Variants in PPFIA3 observed in about 807,000 individuals in gnomAD.
PPFIA3 encodes PPFI scaffold protein A3.
In PPFIA3, 26 loss-of-function variants were observed where a neutral mutation model predicts 145.8. The ratio of observed to expected loss-of-function variants is 0.18; its 90% CI spans 0.13 to 0.25. The LOEUF (loss-of-function observed/expected upper bound fraction) is 0.25, where lower values mean the gene tolerates loss of function less well. Ranked by LOEUF, PPFIA3 falls within the 10% of genes least tolerant of loss-of-function variation. The pLI, the probability that PPFIA3 is intolerant of heterozygous loss-of-function variation, is 1.00. For missense variants in PPFIA3, 1,008 were observed against 1,587.8 expected, an observed-to-expected ratio of 0.63 and a Z score of 6.21; for synonymous variants, 645 against 661.4, an observed-to-expected ratio of 0.98 and a Z score of 0.38.
At chr19:49,143,067 C>T in intron 21 of PPFIA3, 63 bp downstream of exon 21, 3 of 1,544,484 alleles carry the variant, frequency 1.9e-6, no homozygotes, top group Non-Finnish European at 2.6e-6. Context: ...TGCCCTCAGT[C>T]TAGCCAATCC....
At chr19:49,136,675 A>G (rs1420010726) in intron 14 of PPFIA3, 49 bp from the exon 15 acceptor site, 34 of 1,331,352 alleles carry the variant, frequency 2.6e-5, no homozygotes, top group Middle Eastern at 5.7e-4. Context: ...CCCAGCGCCA[A>G]CCTCGGCCCC....
chr19:49,139,158 T>G (rs1443551816), intron 16 of PPFIA3, among the ~76,000 whole-genome samples: 1 of 152,066 alleles, frequency 6.6e-6, no homozygotes, highest in African/African-American at 2.4e-5. Flanking sequence ...AAACCCCATC[T>G]CTACTAAAAA....
intron 15 of PPFIA3, among the ~76,000 whole-genome samples, chr19:49,137,826 G>C (rs1329810796): frequency 6.6e-6 from 1 of 151,962 alleles, no homozygotes; most frequent in Non-Finnish European, 1.5e-5. Flanking sequence ...CCAGATCCTA[G>C]ATTGGCCTGA....
Position 49,149,402 on chromosome 19 carries a change from CTA to C in PPFIA3, c.3354+79_3354+80del. 1 of 1,593,834 alleles carries C rather than the reference CTA, an allele frequency of 6.3e-7. No homozygotes were observed. ...GCTGAGCTGAGGGGGCGGGGCCTGA[CTA>C]TTAATGGTCACGGTTGGAGGCGGGG... On this transcript the variant is annotated intron_variant, in intron 27 of 29. Transcript: ENST00000334186. The surrounding 1 kb of genome is among the most constrained non-coding windows in gnomAD (Gnocchi z 5.7).
At chr19:49,144,105 A>T (rs2041255149) in intron 21 of PPFIA3, among the ~76,000 whole-genome samples, 1 of 151,874 alleles carries the variant, frequency 6.6e-6, no homozygotes, top group South Asian at 2.1e-4. Flanking sequence ...TCCTGGGTGC[A>T]AGCAATTCCA....
chr19:49,137,054 T>G, intron 15 of PPFIA3, 143 bp downstream of exon 15: 1 of 742,620 alleles, frequency 1.3e-6, no homozygotes, highest in Non-Finnish European at 2.0e-6. Flanking sequence ...CTCACTCCGC[T>G]GTCCAGGCAT....
At chr19:49,137,627 T>TAA (rs2041154442) in intron 15 of PPFIA3, among the ~76,000 whole-genome samples, 1 of 14,866 alleles carries the variant, frequency 6.7e-5, no homozygotes, top group Non-Finnish European at 1.2e-4. Context: ...AGACTCCGTG[T>TAA]CAAAAAAAAA....
In PPFIA3 at chr19:49,133,304, T is replaced by C; in HGVS notation, c.1094T>C (p.Leu365Pro). ...DDAKQKLQQTLQKAETLPEIE... is the reference protein window; with the variant it reads ...DDAKQKLQQTPQKAETLPEIE... ...GCCAAGCAGAAGCTGCAGCAGACGC[T>C]GCAGAAAGCGGAGACCTTGCCCGAG... Residue 365 changes from leucine to proline, a missense_variant, in exon 9 of 30, where the codon CTG (leucine) becomes CCG (proline). By Grantham distance (98) the Leu-to-Pro change is moderately conservative. Transcript: ENST00000334186. The surrounding 1 kb of genome is among the most constrained non-coding windows in gnomAD (Gnocchi z 7.2). 1 of 1,610,474 alleles carries C rather than the reference T, an allele frequency of 6.2e-7. No homozygotes were observed. Among genetic ancestry groups the C allele is most frequent in the Non-Finnish European group, 8.5e-7 (1 of 1,179,052 alleles).
chr19:49,142,702 C>G, intron 20 of PPFIA3, 102 bp from the exon 21 acceptor site: 1 of 968,952 alleles, frequency 1.0e-6, no homozygotes, highest in East Asian at 2.7e-5. Context: ...CTGTTTCGCT[C>G]CCCACCCCCT....
chr19:49,127,789 TG>T (rs2041020672), intron 1 of PPFIA3, 69 bp from the exon 2 acceptor site: 2 of 1,543,450 alleles, frequency 1.3e-6, no homozygotes, highest in Admixed American at 2.1e-5. Context: ...GGTATCCGAG[TG>T]GCTGTGCCTC....
chr19:49,129,553 A>C, intron 5 of PPFIA3, 99 bp downstream of exon 5: 1 of 1,305,160 alleles, frequency 7.7e-7, no homozygotes, highest in Non-Finnish European at 1.1e-6. Flanking sequence ...GAGAGAATCT[A>C]TTGGGGCAGG....
Position 49,150,952 on chromosome 19 carries a change from GC to G in PPFIA3, c.*735del, listed in dbSNP as rs2041343231. ...GCAGGGGGACGGTGGGGGAGCCCTC[GC>G]CCCCGACTCTCGGTCGGCCTCCCCG... On this transcript the variant is annotated 3_prime_UTR_variant, in exon 30 of 30. Transcript: ENST00000334186. The G allele has an allele frequency of 4.4e-6, 1 of 227,850 alleles. No individual in the cohort carries two copies. Among genetic ancestry groups the G allele is most frequent in the Admixed American group, 5.7e-5 (1 of 17,584 alleles). 14.1% of individuals were successfully genotyped at this position (227,850 alleles called of 1,614,324 possible). A position where few individuals can be genotyped will look rare whatever the true frequency, so the allele number is the denominator to read the frequency against.
rs569295902 is a variant in PPFIA3, at chr19:49,150,112, G to A, written c.3559G>A (p.Val1187Ile). ...TTCTGGGAGTTCCCGGGCAGACGGC[G>A]TTTCGGTCCGGACCTATTCCTGCTA... ...QTSGSSRADG[V>I]SVRTYSC The change falls in exon 29 of 30, where the codon GTT (valine) becomes ATT (isoleucine). Residue 1187 changes from valine to isoleucine, a missense_variant. Transcript: ENST00000334186. 2.5e-6 allele frequency: 4 copies of A among 1,611,080 alleles called. No individual in the cohort carries two copies. In the South Asian group the frequency reaches 4.4e-5, roughly 18 times the overall value.
intron 13 of PPFIA3, 90 bp downstream of exon 13, chr19:49,135,005 C>T: frequency 8.9e-7 from 1 of 1,121,656 alleles, no homozygotes; most frequent in Non-Finnish European, 1.2e-6. Context: ...TTCCTGTCCT[C>T]CTGAGACTTC....
rs761082762 is a variant in PPFIA3 at position 49,149,679 on chromosome 19, G to A, written c.3487G>A (p.Gly1163Ser). The A allele has an allele frequency of 1.2e-6, 2 of 1,613,200 alleles. No homozygotes were observed. The highest frequency in any genetic ancestry group is 2.2e-5 in the South Asian group (2 of 91,068). ...NFRSAAAGAL[G>S]SPGLPLRKLQ... is the part of the protein sequence containing the mutation. ...TCGTTCGGCTGCAGCGGGAGCCCTG[G>A]GCTCTCCGGGGCTCCCTCTCCGCAA... Residue 1163 changes from glycine (G) to serine (S), a missense_variant, in exon 28 of 30, where the codon GGC becomes AGC. By Grantham distance (56) the Gly-to-Ser change is moderately conservative. Transcript: ENST00000334186. The surrounding 1 kb of genome is among the most constrained non-coding windows in gnomAD (Gnocchi z 5.7).
intron 1 of PPFIA3, among the ~76,000 whole-genome samples, chr19:49,121,940 C>T (rs1454646458): frequency 6.6e-6 from 1 of 151,764 alleles, no homozygotes; most frequent in Non-Finnish European, 1.5e-5. Flanking sequence ...CTGGCCGGGC[C>T]ACATTTCTTG....
chr19:49,132,903 T>TC, intron 7 of PPFIA3, 98 bp from the exon 8 acceptor site: 2 of 1,486,726 alleles, frequency 1.3e-6, no homozygotes, highest in Non-Finnish European at 1.8e-6. Flanking sequence ...CCATTCTGAC[T>TC]CCCATGTCAG....
intron 20 of PPFIA3, 55 bp from the exon 21 acceptor site, chr19:49,142,749 A>G (rs4545921): frequency 0.61 from 901,651 of 1,478,140 alleles, 278,268 homozygotes; most frequent in African/African-American, 0.88. Flanking sequence ...CATCTCTCCG[A>G]TTTTCTCCTC....
chr19:49,128,723 T>C lies in PPFIA3; in HGVS notation c.343-125T>C, dbSNP rs1486128944. On this transcript the variant is annotated intron_variant, in intron 3 of 29. Coordinates refer to ENST00000334186, the MANE Select transcript of PPFIA3 (RefSeq NM_003660.4). This position sits in a 1 kb window ranked among gnomAD's most constrained non-coding sequence, Gnocchi z 4.1. ...CGACCTCCTCTCTTTTCCTGACCTG[T>C]CTCGGTGCTCCTTTATATGGCTCCA... 8 of 1,009,872 alleles carry C rather than the reference T, an allele frequency of 7.9e-6. No individual in the cohort carries two copies. Among genetic ancestry groups the C allele is most frequent in the Non-Finnish European group, 1.2e-5 (8 of 690,526 alleles). The allele number at this position is 1,009,872 out of a possible 1,614,324, so 62.6% of individuals were successfully genotyped here.
Sources: allele counts gnomAD v4.1 joint callset (sites outside exome capture counted in the v4.1 genomes callset), GRCh38; gene constraint gnomAD v4.1.1; non-coding constraint Gnocchi (gnomAD v3.1); transcripts MANE v1.5; gene names NCBI Gene and HGNC (gene_info 2026-07-23, HGNC 2026-07-21).